Variants in HCN1 observed in about 807,000 individuals in gnomAD.
HCN1 encodes the protein potassium/sodium hyperpolarization-activated cyclic nucleotide-gated channel 1.
Under a neutral mutation model 78.9 loss-of-function variants are expected in HCN1, and 13 were observed. The ratio of observed to expected loss-of-function variants is 0.16; its 90% CI spans 0.11 to 0.26. The LOEUF is 0.26. HCN1 is among the 10% of genes least tolerant of loss of function. The pLI is 1.00. For synonymous variants in HCN1, 552 were observed against 455.5 expected (o/e 1.21, Z -2.70); for missense variants, 810 against 1,154.3 (o/e 0.70, Z 4.32).
intron 3 of HCN1, among the ~76,000 whole-genome samples, chr5:45,423,036 C>T (rs1036004696): frequency 6.6e-6 from 1 of 151,928 alleles, no homozygotes; most frequent in Non-Finnish European, 1.5e-5. Flanking sequence ...TAACTAAAAG[C>T]TTTGAGTACA....
rs374054078 is a variant in HCN1 at position 45,303,853 on chromosome 5, G to A, written c.1378-14C>T. 3 of 1,608,084 alleles carry A rather than the reference G, an allele frequency of 1.9e-6. No homozygotes were observed. The highest frequency in any genetic ancestry group is 1.7e-6 in the Non-Finnish European group (2 of 1,174,828). Reference sequence around the variant, plus strand: ...GTTGACTATCTCCTAAAGATGTCAAGAGTAAACAAATATTAAGAGAGATAT... The same window carrying A: ...GTTGACTATCTCCTAAAGATGTCAAAAGTAAACAAATATTAAGAGAGATAT... On this transcript the variant is annotated splice_polypyrimidine_tract_variant and intron_variant, in intron 5 of 7. Transcript: ENST00000303230.
chr5:45,398,024 T>A (rs1428891069), intron 3 of HCN1, among the ~76,000 whole-genome samples: 1 of 151,838 alleles, frequency 6.6e-6, no homozygotes, highest in Non-Finnish European at 1.5e-5. Flanking sequence ...TTTCTATTAA[T>A]TCAAATGTTA....
chr5:45,310,472 C>T (rs1336855825), intron 5 of HCN1, among the ~76,000 whole-genome samples: 1 of 152,126 alleles, frequency 6.6e-6, no homozygotes, highest in African/African-American at 2.4e-5. Flanking sequence ...GATATACCAT[C>T]TCACATCAGT....
At chr5:45,614,491 A>C (rs534740245) in intron 2 of HCN1, among the ~76,000 whole-genome samples, 82 of 152,264 alleles carry the variant, frequency 5.4e-4, no homozygotes, top group African/African-American at 1.6e-3. Flanking sequence ...ACAAAAAGAA[A>C]GCGAAAACTT....
At chr5:45,415,222 T>A (rs1740096309) in intron 3 of HCN1, among the ~76,000 whole-genome samples, 1 of 152,084 alleles carries the variant, frequency 6.6e-6, no homozygotes, top group Non-Finnish European at 1.5e-5. Context: ...TTTTATTTTT[T>A]CTTTTCTAGA....
intron 3 of HCN1, among the ~76,000 whole-genome samples, chr5:45,446,414 G>A (rs926383785): frequency 2.6e-5 from 4 of 152,152 alleles, no homozygotes; most frequent in African/African-American, 9.7e-5. Context: ...CATCTGATTG[G>A]TGTACCTGAA....
chr5:45,536,990 A>C (rs1282690366), intron 2 of HCN1, among the ~76,000 whole-genome samples: 1 of 152,154 alleles, frequency 6.6e-6, no homozygotes, highest in African/African-American at 2.4e-5. Flanking sequence ...AGGTCAGATG[A>C]AGTTTTAGGG....
intron 2 of HCN1, among the ~76,000 whole-genome samples, chr5:45,579,319 A>G (rs1408110570): frequency 6.6e-6 from 1 of 151,942 alleles, no homozygotes; most frequent in Non-Finnish European, 1.5e-5. Flanking sequence ...ACAAAGTCTT[A>G]TTTTTCCTAC....
chr5:45,444,227 AAACAAAGT>A (rs1184876834), intron 3 of HCN1, among the ~76,000 whole-genome samples: 1 of 152,170 alleles, frequency 6.6e-6, no homozygotes, highest in African/African-American at 2.4e-5. Context: ...AGGCTATTAA[AAACAAAGT>A]TAATTACTAA....
intron 1 of HCN1, among the ~76,000 whole-genome samples, chr5:45,650,964 A>G (rs964430132): frequency 1.3e-5 from 2 of 152,034 alleles, no homozygotes; most frequent in African/African-American, 4.8e-5. Flanking sequence ...TGAGATTTAA[A>G]TAATCGTCAT....
At chr5:45,500,017 A>G (rs1469957498) in intron 2 of HCN1, among the ~76,000 whole-genome samples, 1 of 152,142 alleles carries the variant, frequency 6.6e-6, no homozygotes, top group Non-Finnish European at 1.5e-5. Context: ...AAGTAATTAT[A>G]ATTTTATAAT....
chr5:45,284,628 G>T, intron 6 of HCN1, among the ~76,000 whole-genome samples: 1 of 152,050 alleles, frequency 6.6e-6, no homozygotes, highest in East Asian at 1.9e-4. Context: ...TCAAACTTCA[G>T]CCTTCTTGCT....
chr5:45,324,903 C>T lies in HCN1; in HGVS notation c.1378-21064G>A, dbSNP rs369660477. 2.4e-4 allele frequency among the ~76,000 whole-genome samples: 37 copies of T among 151,846 alleles called. 1 individual carries two copies. The highest frequency in any genetic ancestry group is 8.9e-4 in the African/African-American group (37 of 41,488). On this transcript the variant is annotated intron_variant, in intron 5 of 7. Coordinates refer to ENST00000303230, the MANE Select transcript of HCN1 (RefSeq NM_021072.4). ...AATAAACAAAATAAAACATCATTAT[C>T]TTGTGATACAGTGCCCCAAGCTTCT...
At chr5:45,519,430 G>T (rs1052682144) in intron 2 of HCN1, among the ~76,000 whole-genome samples, 1 of 152,028 alleles carries the variant, frequency 6.6e-6, no homozygotes, top group South Asian at 2.1e-4. Context: ...AGATAAGTCC[G>T]AAAAGTAGGC....
chr5:45,651,318 T>C (rs957466375), intron 1 of HCN1, among the ~76,000 whole-genome samples: 6 of 152,026 alleles, frequency 3.9e-5, no homozygotes, highest in African/African-American at 1.2e-4. Flanking sequence ...GCTGCTTCTG[T>C]GATCTGTTAC....
intron 3 of HCN1, among the ~76,000 whole-genome samples, chr5:45,456,526 T>C (rs2111612772): frequency 6.6e-6 from 1 of 152,120 alleles, no homozygotes; most frequent in African/African-American, 2.4e-5. Context: ...AAATGAATCA[T>C]TACAATGAAA....
chr5:45,333,390 T>A (rs1221473060), intron 5 of HCN1, among the ~76,000 whole-genome samples: 2 of 151,828 alleles, frequency 1.3e-5, no homozygotes, highest in Non-Finnish European at 2.9e-5. Context: ...TGGTTATTAA[T>A]CCCTTATTAG....
intron 4 of HCN1, among the ~76,000 whole-genome samples, chr5:45,363,805 A>G (rs1747174294): frequency 6.6e-6 from 1 of 151,982 alleles, no homozygotes; most frequent in Admixed American, 6.6e-5. Flanking sequence ...CCAAATAAGA[A>G]GTGCCTTTCT....
chr5:45,655,652 C>A (rs2112047034), intron 1 of HCN1, among the ~76,000 whole-genome samples: 1 of 152,214 alleles, frequency 6.6e-6, no homozygotes, highest in East Asian at 1.9e-4. Flanking sequence ...CAATGTCTGG[C>A]CTTTGGTCTC....
Sources: gnomAD v4.1 joint callset for allele counts (sites outside exome capture counted in the v4.1 genomes callset) on GRCh38, gnomAD v4.1.1 for gene constraint, MANE v1.5 for transcripts, NCBI Gene and HGNC (gene_info 2026-07-23, HGNC 2026-07-21) for gene names.